EYS: variants seen among roughly 807,000 people sequenced by gnomAD.
EYS encodes the protein protein eyes shut homolog.
A neutral mutation model predicts 282.1 loss-of-function variants in EYS; 250 were observed. That is an observed-to-expected ratio of 0.89 (90% CI 0.80 to 0.98). The LOEUF (loss-of-function observed/expected upper bound fraction) is 0.98. EYS is among the 50% of genes least tolerant of loss of function. EYS has a pLI of 0.00. For synonymous variants in EYS, 1,355 were observed against 1,282.9 expected, an observed-to-expected ratio of 1.06 and a Z score of -1.20; for missense variants, 4,016 against 3,709.0, an observed-to-expected ratio of 1.08 and a Z score of -2.15.
intron 2 of EYS, among the ~76,000 whole-genome samples, chr6:65,598,983 A>ATATATC (rs1260410188): frequency 1.3e-5 from 2 of 152,176 alleles, no homozygotes; most frequent in Admixed American, 6.6e-5. Context: ...ATCTATATTT[A>ATATATC]TATATCTATA....
chr6:65,013,128 CT>C (rs1322474358), intron 13 of EYS, among the ~76,000 whole-genome samples: 2 of 152,122 alleles, frequency 1.3e-5, no homozygotes, highest in Non-Finnish European at 1.5e-5. Flanking sequence ...CCCTTTCTTT[CT>C]AATTACCTAC....
chr6:65,317,424 GT>G (rs1365831738), intron 11 of EYS, among the ~76,000 whole-genome samples: 1 of 152,106 alleles, frequency 6.6e-6, no homozygotes, highest in Non-Finnish European at 1.5e-5. Flanking sequence ...TGTAAATACT[GT>G]TTTTCATTTG....
chr6:64,714,402 A>T (rs1771306932), intron 22 of EYS, among the ~76,000 whole-genome samples: 2 of 152,230 alleles, frequency 1.3e-5, no homozygotes, highest in African/African-American at 4.8e-5. Context: ...AGGCAATATG[A>T]CATAATAGAT....
intron 2 of EYS, among the ~76,000 whole-genome samples, chr6:65,612,997 T>C (rs887718769): frequency 5.3e-5 from 8 of 151,720 alleles, no homozygotes; most frequent in Non-Finnish European, 5.9e-5. Context: ...ATAAAGAAAA[T>C]AACAATCTTA....
At chr6:64,643,864 T>A (rs1029948658) in intron 22 of EYS, among the ~76,000 whole-genome samples, 1 of 152,234 alleles carries the variant, frequency 6.6e-6, no homozygotes, top group African/African-American at 2.4e-5. Context: ...TGTGGAACTA[T>A]AAGTCCATTA....
intron 15 of EYS, among the ~76,000 whole-genome samples, chr6:64,939,379 G>A (rs1769014874): frequency 6.6e-6 from 1 of 151,754 alleles, no homozygotes; most frequent in Non-Finnish European, 1.5e-5. Flanking sequence ...AAAATCTCCT[G>A]AAACATTTAT....
chr6:65,454,427 G>T (rs1191277374), intron 5 of EYS, among the ~76,000 whole-genome samples: 2 of 151,720 alleles, frequency 1.3e-5, no homozygotes, highest in Non-Finnish European at 2.9e-5. Context: ...TGTATAATTT[G>T]CACATATTTT....
At chr6:64,016,035 T>A (rs1444450660) in intron 33 of EYS, among the ~76,000 whole-genome samples, 1 of 152,234 alleles carries the variant, frequency 6.6e-6, no homozygotes, top group Non-Finnish European at 1.5e-5. Flanking sequence ...TTGGCTTTTT[T>A]GCTCCTTTTC....
chr6:64,622,614 C>T lies in EYS; in HGVS notation c.3568+3507G>A, dbSNP rs1358503839. 3.9e-5 allele frequency among the ~76,000 whole-genome samples: 6 copies of T among 152,060 alleles called. No homozygotes were observed. In the East Asian group the frequency reaches 1.2e-3, roughly 29 times the overall value. On this transcript the variant is annotated intron_variant, in intron 23 of 42. Transcript: ENST00000503581. ...CCTTTTGGCATAGAGGTGGAGTTAC[C>T]CAGGATGACAACCATGGAGTTGTTG...
intron 2 of EYS, among the ~76,000 whole-genome samples, chr6:65,622,125 A>G (rs1766524926): frequency 6.6e-6 from 1 of 152,214 alleles, no homozygotes; most frequent in Non-Finnish European, 1.5e-5. Flanking sequence ...CCAGAATGAG[A>G]CAGAATCGTT....
At chr6:64,999,799 A>G (rs1206677019) in intron 13 of EYS, among the ~76,000 whole-genome samples, 1 of 152,130 alleles carries the variant, frequency 6.6e-6, no homozygotes. Flanking sequence ...CCAGAACAAC[A>G]TGGAGTTTTG....
intron 34 of EYS, among the ~76,000 whole-genome samples, chr6:63,994,670 A>T (rs2149798923): frequency 6.6e-6 from 1 of 152,018 alleles, no homozygotes; most frequent in Non-Finnish European, 1.5e-5. Flanking sequence ...CAAGAAGGTA[A>T]CCCCTACTCA....
chr6:63,845,023 T>C (rs1188331698), intron 36 of EYS, among the ~76,000 whole-genome samples: 2 of 152,164 alleles, frequency 1.3e-5, no homozygotes, highest in African/African-American at 4.8e-5. Flanking sequence ...ATGTATCTTG[T>C]GTTAATTTTT....
At chr6:63,823,921 C>T (rs1259680682) in intron 36 of EYS, among the ~76,000 whole-genome samples, 1 of 152,042 alleles carries the variant, frequency 6.6e-6, no homozygotes, top group Non-Finnish European at 1.5e-5. Flanking sequence ...ATTCACTTTC[C>T]TCCAATTTTG....
chr6:64,373,045 T>C (rs1175805689), intron 29 of EYS, among the ~76,000 whole-genome samples: 2 of 152,212 alleles, frequency 1.3e-5, no homozygotes, highest in African/African-American at 4.8e-5. Flanking sequence ...ATCCATATTC[T>C]TAATTATGTT....
intron 26 of EYS, among the ~76,000 whole-genome samples, chr6:64,495,104 T>C (rs899574444): frequency 4.6e-5 from 7 of 151,666 alleles, no homozygotes. Context: ...ACTGAATAAA[T>C]GTTTATATTA....
chr6:65,546,601 A>G (rs1156473050), intron 2 of EYS, among the ~76,000 whole-genome samples: 1 of 147,658 alleles, frequency 6.8e-6, no homozygotes, highest in Admixed American at 6.8e-5. Context: ...TTGTTTTTTG[A>G]GACAGAGCCT....
At chr6:64,054,968 C>G (rs1770932102) in intron 33 of EYS, among the ~76,000 whole-genome samples, 1 of 152,168 alleles carries the variant, frequency 6.6e-6, no homozygotes, top group South Asian at 2.1e-4. Flanking sequence ...CAAAACTTAA[C>G]AGACACTTAT....
chr6:64,082,339 T>A (rs1214711820), intron 31 of EYS, among the ~76,000 whole-genome samples: 6 of 152,152 alleles, frequency 3.9e-5, no homozygotes, highest in Non-Finnish European at 8.8e-5. Context: ...TTTTGCGATA[T>A]TTTGTGATGT....
Sources: allele counts gnomAD v4.1 joint callset (sites outside exome capture counted in the v4.1 genomes callset), GRCh38; gene constraint gnomAD v4.1.1; transcripts MANE v1.5; gene names NCBI Gene and HGNC (gene_info 2026-07-23, HGNC 2026-07-21).